Variants in FKBP5 observed in about 807,000 individuals in gnomAD.
FKBP5 encodes FKBP prolyl isomerase 5, also known as peptidyl-prolyl cis-trans isomerase FKBP5.
FKBP5 carries 23 observed loss-of-function variants against 50.5 expected under a neutral mutation model. The ratio of observed to expected loss-of-function variants is 0.46; its 90% CI spans 0.33 to 0.65. The LOEUF is 0.65. Among genes scored for constraint, FKBP5 ranks in the 30% least tolerant of loss-of-function variants. The pLI, the probability that FKBP5 is intolerant of heterozygous loss-of-function variation, is 0.02. For synonymous variants in FKBP5, 176 were observed against 190.6 expected, an observed-to-expected ratio of 0.92 and a Z score of 0.63; for missense variants, 411 against 553.1, an observed-to-expected ratio of 0.74 and a Z score of 2.58.
At chr6:35,674,378 A>C (rs1213883374) in intron 1 of FKBP5, among the ~76,000 whole-genome samples, 1 of 152,212 alleles carries the variant, frequency 6.6e-6, no homozygotes, top group East Asian at 1.9e-4. Flanking sequence ...GTTGACAAGT[A>C]ACCCAAGAGT....
chr6:35,606,209 A>T (rs1196666995), intron 5 of FKBP5, among the ~76,000 whole-genome samples: 1 of 152,222 alleles, frequency 6.6e-6, no homozygotes, highest in African/African-American at 2.4e-5. Context: ...CAAATCAACA[A>T]GAAAAAAGCA....
intron 5 of FKBP5, among the ~76,000 whole-genome samples, chr6:35,610,564 T>C (rs185689464): frequency 0.015 from 438 of 28,946 alleles, 5 homozygotes; most frequent in African/African-American, 0.062. Flanking sequence ...CAAGACTCCG[T>C]CTCAAAAAAA....
At chr6:35,715,689 C>G (rs760039503) in intron 2 of FKBP5, among the ~76,000 whole-genome samples, 1 of 152,174 alleles carries the variant, frequency 6.6e-6, no homozygotes, top group African/African-American at 2.4e-5. Context: ...GGGCAGGCTG[C>G]GAGTTGCATG....
Position 35,600,706 on chromosome 6 carries a change from A to C in FKBP5, c.509-3302T>G, listed in dbSNP as rs541947871. Among the ~76,000 whole-genome samples, 8 of 152,220 alleles carry C rather than the reference A, an allele frequency of 5.3e-5. No homozygotes were observed. In the South Asian group the frequency reaches 1.4e-3, roughly 28 times the overall value. On this transcript the variant is annotated intron_variant, in intron 5 of 10. Transcript: ENST00000357266. ...CATCTTCCTCCCTTAAGGAGAGTACATTTAGTGGGGGAGGAAATTATCAGT... is the reference window on the plus strand; with the variant it reads ...CATCTTCCTCCCTTAAGGAGAGTACCTTTAGTGGGGGAGGAAATTATCAGT...
chr6:35,642,600 G>C, intron 2 of FKBP5, 120 bp downstream of exon 2: 1 of 659,872 alleles, frequency 1.5e-6, no homozygotes, highest in Admixed American at 2.9e-5. Context: ...TCTAGCTCTA[G>C]TGTTTGGCAC....
chr6:35,581,941 G>C, intron 8 of FKBP5: 2 of 985,344 alleles, frequency 2.0e-6, no homozygotes, highest in Non-Finnish European at 1.2e-6. Flanking sequence ...CAAGGAGTCT[G>C]AGTAAGAGAA....
chr6:35,631,644 G>A (rs1373948592), intron 3 of FKBP5, among the ~76,000 whole-genome samples: 1 of 152,094 alleles, frequency 6.6e-6, no homozygotes, highest in African/African-American at 2.4e-5. Flanking sequence ...TATACTAATT[G>A]TACAAAGAAT....
chr6:35,683,120 A>ATGTGTGTGTGTGTGTGTGTG, intron 1 of FKBP5, among the ~76,000 whole-genome samples: 1 of 80,688 alleles, frequency 1.2e-5, no homozygotes. Context: ...ATATACGTAT[A>ATGTGTGTGTGTGTGTGTGTG]TGTGTGTGTG....
At chr6:35,619,314 G>GT (rs1438956310) in intron 4 of FKBP5, 104 bp from the exon 5 acceptor site, 1 of 543,480 alleles carries the variant, frequency 1.8e-6, no homozygotes, top group African/African-American at 2.0e-5. Context: ...AAATAAAGCT[G>GT]TTTTAAAATA....
chr6:35,581,285 A>ATAT (rs1554130222), intron 8 of FKBP5: 1 of 388,452 alleles, frequency 2.6e-6, no homozygotes, highest in Non-Finnish European at 3.5e-6. Flanking sequence ...ATATATATAT[A>ATAT]ATATATATAT....
At position 35,697,612 on chromosome 6, in the gene FKBP5, T is replaced by C. The variant is rs188922863; in HGVS notation, c.-20+22716A>G. On this transcript the variant is annotated intron_variant, in intron 2 of 11. Coordinates refer to the FKBP5 transcript ENST00000536438. The stretch of plus-strand genomic sequence containing the variant: ...ACAACATGTATGAACCTTGAAAACA[T>C]AATAAATGAAACTAGTCGGTCATAA... 1.2e-4 allele frequency among the ~76,000 whole-genome samples: 17 copies of C among 147,472 alleles called. No individual in the cohort carries two copies. The East Asian group carries it at 3.0e-3, about 26-fold the overall frequency.
chr6:35,707,656 G>A (rs940834935), intron 2 of FKBP5, among the ~76,000 whole-genome samples: 2 of 152,068 alleles, frequency 1.3e-5, no homozygotes, highest in African/African-American at 4.8e-5. Flanking sequence ...CAGGTACTAA[G>A]TTAGCACCCA....
intron 2 of FKBP5, among the ~76,000 whole-genome samples, chr6:35,696,511 CAA>C (rs5875522): frequency 0.01 from 1,363 of 133,180 alleles, 8 homozygotes; most frequent in African/African-American, 0.022. Flanking sequence ...GACTCTGTCT[CAA>C]AAAAAAAAAA....
Position 35,688,902 on chromosome 6 carries a change from C to G in FKBP5, c.-118G>C, listed in dbSNP as rs1056142611. 9.3e-5 allele frequency: 14 copies of G among 151,094 alleles called. No individual in the cohort carries two copies. The highest frequency in any genetic ancestry group is 3.4e-4 in the African/African-American group (14 of 41,176). The allele number at this position is 151,094 out of a possible 1,614,324, so 9.4% of individuals were successfully genotyped here. ...AGCAGGCCGCCCGCGCGCCGGACAC[C>G]GCCGCCCGAGACTGGCAGCGCCCGC... is the stretch of plus-strand genomic sequence containing the variant. On this transcript the variant is annotated 5_prime_UTR_variant, in exon 1 of 11. Transcript: ENST00000357266.
chr6:35,579,363 A>C (rs1164333644), intron 9 of FKBP5, among the ~76,000 whole-genome samples: 1 of 152,160 alleles, frequency 6.6e-6, no homozygotes, highest in African/African-American at 2.4e-5. Context: ...TCCAATGATT[A>C]GTTTTTACTT....
chr6:35,703,224 T>G (rs888852568), intron 2 of FKBP5, among the ~76,000 whole-genome samples: 2 of 151,122 alleles, frequency 1.3e-5, no homozygotes, highest in East Asian at 3.9e-4. Flanking sequence ...CACTCCAGCC[T>G]GGGCAACAAG....
intron 5 of FKBP5, among the ~76,000 whole-genome samples, chr6:35,606,217 G>A (rs115026707): frequency 0.012 from 1,762 of 152,114 alleles, 32 homozygotes; most frequent in African/African-American, 0.038. Context: ...CAAGAAAAAA[G>A]CAAATAGCCC....
Position 35,605,360 on chromosome 6 carries a change from A to G in FKBP5, c.509-7956T>C, listed in dbSNP as rs374655822. 3.1e-3 allele frequency among the ~76,000 whole-genome samples: 465 copies of G among 150,404 alleles called. 1 individual carries two copies. Among genetic ancestry groups the G allele is most frequent in the African/African-American group, 9.8e-3 (405 of 41,202 alleles). On this transcript the variant is annotated intron_variant, in intron 5 of 10. Coordinates refer to ENST00000357266, the MANE Select transcript of FKBP5 (RefSeq NM_004117.4). ...CATCAAAGGAACATACTTCAAAATA[A>G]TAAGAGCCACCTATGACAATATCTT... is the stretch of plus-strand genomic sequence containing the variant.
chr6:35,606,658 TCAAAAAAAAAAAAAAAAA>T (rs1487174733), intron 5 of FKBP5, among the ~76,000 whole-genome samples: 1 of 13,424 alleles, frequency 7.4e-5, no homozygotes, highest in African/African-American at 4.1e-4. Flanking sequence ...AGACTCCGTC[TCAAAAAAAAAAAAAAAAA>T]AAAAAAAAAA....
Sources: gnomAD v4.1 joint callset for allele counts (sites outside exome capture counted in the v4.1 genomes callset) on GRCh38, gnomAD v4.1.1 for gene constraint, MANE v1.5 for transcripts, NCBI Gene and HGNC (gene_info 2026-07-23, HGNC 2026-07-21) for gene names.